ZAN: variants seen among roughly 807,000 people sequenced by gnomAD.
The protein encoded by ZAN is zonadhesin (gene/pseudogene).
Under a neutral mutation model 286.2 loss-of-function variants are expected in ZAN, and 260 were observed. The observed-to-expected ratio is 0.91, with a 90% CI of 0.82 to 1.01. The LOEUF (loss-of-function observed/expected upper bound fraction) is 1.01, where lower values mean the gene tolerates loss of function less well. ZAN is among the 50% of genes least tolerant of loss of function. ZAN has a pLI of 0.00. For synonymous variants in ZAN, 1,368 were observed against 1,417.5 expected (o/e 0.97, Z 0.79); for missense variants, 3,410 against 3,639.2 (o/e 0.94, Z 1.62).
rs1296972802 is a variant in ZAN, at chr7:100,767,198, G to A, written c.4801G>A (p.Ala1601Thr). Residue 1601 changes from alanine (A) to threonine (T), a missense_variant, in exon 25 of 48, where the codon GCC becomes ACC. By Grantham distance (58) the Ala-to-Thr change is moderately conservative. Around this residue, in one of 7 missense-constraint regions of ZAN, gnomAD observed 1,042 missense variants for 1,058.0 expected, o/e 0.98. Coordinates refer to ENST00000613979, the MANE Select transcript of ZAN (RefSeq NM_003386.3). ...GATCCTGGAGGTCTCCTACATCAAA[G>A]CCGTCCACGTGACAGTCTTTGACCT... ...GGILEVSYIK[A>T]VHVTVFDLSI... The A allele has an allele frequency of 6.2e-7, 1 of 1,613,380 alleles. No homozygotes were observed. Among genetic ancestry groups the A allele is most frequent in the South Asian group, 1.1e-5 (1 of 91,048 alleles).
chr7:100,793,673 G>A (rs1355810878), intron 42 of ZAN, 147 bp from the exon 43 acceptor site: 4 of 777,772 alleles, frequency 5.1e-6, no homozygotes, highest in South Asian at 1.9e-5. Flanking sequence ...CCTGACTTCA[G>A]GTGATCCACC....
chr7:100,789,102 T>G, intron 38 of ZAN, 116 bp from the exon 39 acceptor site: 1 of 1,409,016 alleles, frequency 7.1e-7, no homozygotes, highest in Non-Finnish European at 9.4e-7. Context: ...GGTATCTTAT[T>G]CCACTCTCTG....
At chr7:100,737,177 G>A in intron 5 of ZAN, 85 bp from the exon 6 acceptor site, 2 of 1,423,690 alleles carry the variant, frequency 1.4e-6, no homozygotes, top group Non-Finnish European at 1.9e-6. Flanking sequence ...TGGGGGCCAA[G>A]CCATCTGAAT....
At chr7:100,756,229 A>G (rs1301623117) in intron 15 of ZAN, among the ~76,000 whole-genome samples, 1 of 152,178 alleles carries the variant, frequency 6.6e-6, no homozygotes, top group Non-Finnish European at 1.5e-5. Context: ...AATTATTATC[A>G]TTAGCAATTT....
chr7:100,788,510 C>T (rs1811726736), intron 38 of ZAN, among the ~76,000 whole-genome samples: 1 of 151,998 alleles, frequency 6.6e-6, no homozygotes, highest in Non-Finnish European at 1.5e-5. Context: ...CAAGATCTTG[C>T]CACTGCACTT....
In ZAN at chr7:100,773,771, C is replaced by G. The variant is rs1288933991; in HGVS notation, c.5685C>G (p.Cys1895Trp). 1 of 1,612,082 alleles carries G rather than the reference C, an allele frequency of 6.2e-7. No homozygotes were observed. Among genetic ancestry groups the G allele is most frequent in the South Asian group, 1.1e-5 (1 of 90,622 alleles). ...TENTCTRLCT[C>W]SVHNNITCFQ... The stretch of plus-strand genomic sequence containing the variant: ...ACACCTGCACCAGGCTCTGCACCTG[C>G]TCCGTCCACAACAACATCACCTGCT... Residue 1895 changes from cysteine to tryptophan, a missense_variant, in exon 31 of 48, where the codon TGC becomes TGG. Coordinates refer to ENST00000613979, the MANE Select transcript of ZAN (RefSeq NM_003386.3).
rs148947086 is a variant in ZAN at position 100,763,078 on chromosome 7, T to A, written c.3986+720T>A. Among the ~76,000 whole-genome samples, 1,156 of 151,784 alleles carry A rather than the reference T, an allele frequency of 7.6e-3. 13 individuals are homozygous for A. Among genetic ancestry groups the A allele is most frequent in the African/African-American group, 0.026 (1,093 of 41,364 alleles). On this transcript the variant is annotated intron_variant, in intron 20 of 47. Coordinates refer to ENST00000613979, the MANE Select transcript of ZAN (RefSeq NM_003386.3). The surrounding 1 kb of genome is among the most constrained non-coding windows in gnomAD (Gnocchi z 4.6). ...CCTCTGCCTCCTGGGCTCAAGTGAT[T>A]CTCACGCCTCAATCCCAATGAGATT...
At chr7:100,775,282 C>A in intron 31 of ZAN, 46 bp from the exon 32 acceptor site, 1 of 1,595,772 alleles carries the variant, frequency 6.3e-7, no homozygotes, top group South Asian at 1.1e-5. Context: ...GGACCCTGTA[C>A]CTGCCAGAGG....
intron 40 of ZAN, among the ~76,000 whole-genome samples, 177 bp from the exon 41 acceptor site, chr7:100,791,789 G>A (rs1207973184): frequency 1.3e-5 from 2 of 151,648 alleles, no homozygotes; most frequent in Non-Finnish European, 2.9e-5. Context: ...GTGCAGTGGC[G>A]TGATCTTGGC....
At chr7:100,733,863 C>G (rs1314957852) in intron 1 of ZAN, among the ~76,000 whole-genome samples, 164 bp from the exon 2 acceptor site, 3 of 140,932 alleles carry the variant, frequency 2.1e-5, no homozygotes, top group Admixed American at 7.1e-5. Flanking sequence ...TTTTTGAACT[C>G]CTTTCGTTTG....
chr7:100,760,614 C>A (rs1312194809), intron 19 of ZAN, 78 bp downstream of exon 19: 2 of 1,553,880 alleles, frequency 1.3e-6, no homozygotes, highest in East Asian at 2.3e-5. Context: ...CTGCTGCCCA[C>A]CCTGCCCACT....
Position 100,775,751 on chromosome 7 carries a change from T to C in ZAN, c.6110T>C (p.Val2037Ala). ...AAGTCCAGCAGCATCTACAGCATTGTTAACATCAAGATCGGGGTGCAAGTC... is the reference window on the plus strand; with the variant it reads ...AAGTCCAGCAGCATCTACAGCATTGCTAACATCAAGATCGGGGTGCAAGTC... ...SVKSSSIYSIVNIKIGVQVKF... is the reference protein window; with the variant it reads ...SVKSSSIYSIANIKIGVQVKF... The change falls in exon 33 of 48, where the codon GTT (valine) becomes GCT (alanine). Residue 2037 changes from valine (V) to alanine (A), a missense_variant. Val to Ala is a moderately conservative substitution (Grantham distance 64). Around this residue, in one of 7 missense-constraint regions of ZAN, gnomAD observed 1,289 missense variants for 1,314.3 expected, o/e 0.98. Coordinates refer to ENST00000613979, the MANE Select transcript of ZAN (RefSeq NM_003386.3). The C allele has an allele frequency of 6.2e-7, 1 of 1,613,916 alleles. No homozygotes were observed. Among genetic ancestry groups the C allele is most frequent in the Non-Finnish European group, 8.5e-7 (1 of 1,179,876 alleles).
At chr7:100,762,958 G>A (rs905361635) in intron 20 of ZAN, among the ~76,000 whole-genome samples, 3 of 149,826 alleles carry the variant, frequency 2.0e-5, no homozygotes, top group African/African-American at 7.4e-5. Flanking sequence ...CCAGGCTGCT[G>A]GCCCTCCCCA....
In ZAN at chr7:100,764,202, T is replaced by C; in HGVS notation, c.4267+6T>C. ...GAGGGAACCCCACTTCTGCCGTGAG[T>C]TGTGCCAAACTCAGAGGAGAGGCCG... On this transcript the variant is annotated splice_donor_region_variant and intron_variant, in intron 22 of 47. Transcript: ENST00000613979. The C allele has an allele frequency of 6.5e-7, 1 of 1,540,148 alleles. No homozygotes were observed. The highest frequency in any genetic ancestry group is 1.2e-5 in the South Asian group (1 of 83,400).
chr7:100,751,899 C>T lies in ZAN; in HGVS notation c.1794C>T (p.Pro598=). 3.1e-6 allele frequency: 5 copies of T among 1,613,428 alleles called. No individual in the cohort carries two copies. Among genetic ancestry groups the T allele is most frequent in the Non-Finnish European group, 4.2e-6 (5 of 1,179,796 alleles). The part of the protein sequence containing the change: ...KEKPTIPTEK[P]TISTEKPTIP... ...AGCCCACCATTCCCACAGAAAAACC[C>T]ACCATCTCCACAGAAAAACCCACCA... Residue 598 remains proline, a synonymous_variant, in exon 14 of 48, where the codon CCC becomes CCT. Coordinates refer to ENST00000613979, the MANE Select transcript of ZAN (RefSeq NM_003386.3).
At chr7:100,769,508 CTTCCTTTCTTCCTTCTTCCTTTCCT>C (rs1428552156) in intron 27 of ZAN, among the ~76,000 whole-genome samples, 1 of 147,892 alleles carries the variant, frequency 6.8e-6, no homozygotes, top group Non-Finnish European at 1.5e-5. Flanking sequence ...CCCTTTCTTC[CTTCCTTTCTTCCTTCTTCCTTTCCT>C]TTCCTTTCCT....
At chr7:100,767,354 C>T in intron 25 of ZAN, 97 bp downstream of exon 25, 1 of 1,511,404 alleles carries the variant, frequency 6.6e-7, no homozygotes, top group Non-Finnish European at 8.8e-7. Flanking sequence ...TCTCTGGCTC[C>T]TTAGAGCACC....
At position 100,779,390 on chromosome 7, in the gene ZAN, T is replaced by A. The variant is rs555543562; in HGVS notation, c.6318-56T>A. ...AAGACTCCCCCTAAAGAAAAAAAAA[T>A]TTTGTGTCATAGTAGGGGGACGGCT... On this transcript the variant is annotated intron_variant, in intron 34 of 47. Coordinates refer to ENST00000613979, the MANE Select transcript of ZAN (RefSeq NM_003386.3). 4.5e-5 allele frequency: 68 copies of A among 1,497,096 alleles called. No homozygotes were observed. The African/African-American group carries it at 6.1e-4, about 13-fold the overall frequency. 92.7% of individuals were successfully genotyped at this position (1,497,096 alleles called of 1,614,324 possible).
At chr7:100,735,844 A>G in intron 3 of ZAN, 72 bp downstream of exon 3, 1 of 1,172,354 alleles carries the variant, frequency 8.5e-7, no homozygotes, top group Non-Finnish European at 1.2e-6. Context: ...CCAGAATGCC[A>G]GTTCCTGAGT....
Sources: allele counts gnomAD v4.1 joint callset (sites outside exome capture counted in the v4.1 genomes callset), GRCh38; gene constraint gnomAD v4.1.1; regional missense constraint gnomAD v4.1.1; non-coding constraint Gnocchi (gnomAD v3.1); transcripts MANE v1.5; gene names NCBI Gene and HGNC (gene_info 2026-07-23, HGNC 2026-07-21).